The following NPIPB11 variants were observed in gnomAD, a reference collection of about 807,000 sequenced individuals.
NPIPB11 encodes nuclear pore complex-interacting protein family member B11.
NPIPB11 carries 17 observed loss-of-function variants against 32.8 expected under a neutral mutation model. That is an observed-to-expected ratio of 0.52 (90% CI 0.35 to 0.78). The LOEUF is 0.78. Among genes scored for constraint, NPIPB11 ranks in the 30% least tolerant of loss-of-function variants. NPIPB11 has a pLI of 0.01. For synonymous variants in NPIPB11, 209 were observed against 398.4 expected (o/e 0.52, Z 5.66); for missense variants, 537 against 1,000.4 (o/e 0.54, Z 6.25).
chr16:29,399,272 C>T (rs1963933103), intron 2 of NPIPB11, among the ~76,000 whole-genome samples: 1 of 151,846 alleles, frequency 6.6e-6, no homozygotes, highest in Non-Finnish European at 1.5e-5. Context: ...AGCTGAAAAC[C>T]ACTGCTTTAA....
At chr16:29,402,566 A>G (rs191432720) in intron 2 of NPIPB11, among the ~76,000 whole-genome samples, 3,049 of 48,860 alleles carry the variant, frequency 0.062, 138 homozygotes, top group East Asian at 0.49. Flanking sequence ...GCTGGGCATG[A>G]TGGTGCACAC....
At chr16:29,402,724 C>CTGTGTGTGTGTGTGTGTG (rs71214272) in intron 2 of NPIPB11, among the ~76,000 whole-genome samples, 19 of 119,670 alleles carry the variant, frequency 1.6e-4, no homozygotes, top group Admixed American at 1.3e-3. Context: ...CTCTCTCTCT[C>CTGTGTGTGTGTGTGTGTG]TGTGTGTGTG....
chr16:29,405,479 G>A (rs564406000), upstream of NPIPB11, among the ~76,000 whole-genome samples: 5 of 152,130 alleles, frequency 3.3e-5, no homozygotes, highest in African/African-American at 9.7e-5. Context: ...CCGTCACCAC[G>A]TGTTAGTCAC....
rs1235791979 is a variant in NPIPB11, at chr16:29,399,229, C to A, written c.120+4454G>T. ...CCCACAGGGCTTCTGCCCGATCACA[C>A]AGAGTGTGCCCAAACTCACTCAGGC... On this transcript the variant is annotated intron_variant, in intron 2 of 7. Coordinates refer to ENST00000524087, the Ensembl canonical transcript of NPIPB11. Among the ~76,000 whole-genome samples, 4 of 152,254 alleles carry A rather than the reference C, an allele frequency of 2.6e-5. No individual in the cohort carries two copies. In the East Asian group the frequency reaches 5.8e-4, roughly 22 times the overall value.
intron 2 of NPIPB11, chr16:29,397,609 A>G (rs1207208077): frequency 6.0e-6 from 9 of 1,491,068 alleles, no homozygotes; most frequent in East Asian, 2.5e-5. Context: ...AGGAGCCCAA[A>G]GAGGAGCCAA....
At chr16:29,396,889 C>T (rs948805206) in intron 2 of NPIPB11, among the ~76,000 whole-genome samples, 4 of 151,486 alleles carry the variant, frequency 2.6e-5, no homozygotes, top group African/African-American at 4.8e-5. Flanking sequence ...CGGTGGCTCA[C>T]GCCTGTAATC....
At chr16:29,389,027 T>C (rs1481131697) in intron 5 of NPIPB11, among the ~76,000 whole-genome samples, 1 of 149,900 alleles carries the variant, frequency 6.7e-6, no homozygotes, top group Non-Finnish European at 1.5e-5. Flanking sequence ...AAACCCCGCC[T>C]CTACTAAAAA....
intron 2 of NPIPB11, among the ~76,000 whole-genome samples, chr16:29,400,940 C>T (rs1347446578): frequency 6.6e-6 from 1 of 152,118 alleles, no homozygotes; most frequent in Non-Finnish European, 1.5e-5. Context: ...TTCCCTGTCC[C>T]TTGCCTCATG....
chr16:29,400,271 G>A (rs1402835359), intron 2 of NPIPB11, among the ~76,000 whole-genome samples: 1 of 150,226 alleles, frequency 6.7e-6, no homozygotes, highest in African/African-American at 2.5e-5. Flanking sequence ...GCAGAGTTTG[G>A]GGTCTCGAAC....
chr16:29,389,978 C>G lies in NPIPB11; in HGVS notation c.508G>C (p.Asp170His), dbSNP rs549997824. The G allele has an allele frequency of 1.2e-3, 1,970 of 1,590,790 alleles. 13 individuals are homozygous for G. Among genetic ancestry groups the G allele is most frequent in the South Asian group, 3.3e-3 (302 of 90,342 alleles). ...GTCTTCCTCTTTCCATTGATTTTGT[C>G]ATGACGGTTGATTTTCGTTGTCACC... The change falls in exon 5 of 8, where the codon GAC (aspartate) becomes CAC (histidine). Residue 170 changes from aspartate (D) to histidine (H), a missense_variant. Coordinates refer to ENST00000524087, the Ensembl canonical transcript of NPIPB11.
At chr16:29,382,342 G>C in exon 8 of NPIPB11, 1 of 589,768 alleles carries the variant, frequency 1.7e-6, no homozygotes. Flanking sequence ...TGGAGCTGAG[G>C]GTGGAAGGGG....
At chr16:29,406,147 A>C (rs1964108012), upstream of NPIPB11, among the ~76,000 whole-genome samples, 1 of 152,266 alleles carries the variant, frequency 6.6e-6, no homozygotes. Context: ...TTTCAGCTGC[A>C]TCCCTTGGGG....
chr16:29,394,423 A>C (rs1963799149), intron 2 of NPIPB11, among the ~76,000 whole-genome samples: 1 of 130,494 alleles, frequency 7.7e-6, no homozygotes, highest in African/African-American at 3.0e-5. Flanking sequence ...ATCTAAAAAA[A>C]AACCTCTTTT....
chr16:29,383,078 C>G (rs1332951770), exon 8 of NPIPB11: 1 of 1,605,652 alleles, frequency 6.2e-7, no homozygotes, highest in Non-Finnish European at 8.5e-7. Flanking sequence ...ATATTATCAT[C>G]TGCTGAGGGT....
chr16:29,402,718 C>CTGTGTGTG (rs1207937203), intron 2 of NPIPB11, among the ~76,000 whole-genome samples: 1 of 124,912 alleles, frequency 8.0e-6, no homozygotes, highest in Admixed American at 8.1e-5. Flanking sequence ...CTCTCTCTCT[C>CTGTGTGTG]TCTCTCTGTG....
At chr16:29,399,120 A>G (rs1963928259) in intron 2 of NPIPB11, among the ~76,000 whole-genome samples, 1 of 151,604 alleles carries the variant, frequency 6.6e-6, no homozygotes, top group African/African-American at 2.4e-5. Flanking sequence ...AGCTCCAAGC[A>G]GGTGGGCAGG....
intron 5 of NPIPB11, 51 bp downstream of exon 5, chr16:29,389,890 T>G (rs1963670346): frequency 6.4e-7 from 1 of 1,569,740 alleles, no homozygotes; most frequent in African/African-American, 1.4e-5. Context: ...GTTGTCTACT[T>G]TGATTGGCAC....
exon 8 of NPIPB11, chr16:29,383,723 T>C (rs1963556088): frequency 2.8e-6 from 1 of 356,330 alleles, no homozygotes; most frequent in African/African-American, 2.0e-4. Flanking sequence ...AGGGTGGAGC[T>C]GAGGGTGGAA....
At chr16:29,397,149 C>T (rs1038743774) in intron 2 of NPIPB11, among the ~76,000 whole-genome samples, 3 of 140,794 alleles carry the variant, frequency 2.1e-5, no homozygotes, top group Non-Finnish European at 3.1e-5. Flanking sequence ...CCAGCCTGGG[C>T]GACAGAGTGA....
Sources: allele counts gnomAD v4.1 joint callset (sites outside exome capture counted in the v4.1 genomes callset), GRCh38; gene constraint gnomAD v4.1.1; transcripts MANE v1.5; gene names NCBI Gene and HGNC (gene_info 2026-07-23, HGNC 2026-07-21).